SH3BGRL2: variants seen among roughly 807,000 people sequenced by gnomAD.
SH3BGRL2 encodes the protein SH3 domain-binding glutamic acid-rich-like protein 2.
Under a neutral mutation model 14.8 loss-of-function variants are expected in SH3BGRL2, and 21 were observed. That is an observed-to-expected ratio of 1.42 (90% CI 1.01 to 2.05). SH3BGRL2 has a LOEUF of 2.05. Ranked by LOEUF, SH3BGRL2 falls within the 30% of genes most tolerant of loss-of-function variation. The pLI is 0.00. For synonymous variants in SH3BGRL2, 50 were observed against 47.8 expected (o/e 1.05, Z -0.19); for missense variants, 147 against 130.8 (o/e 1.12, Z -0.61).
intron 2 of SH3BGRL2, among the ~76,000 whole-genome samples, chr6:79,680,821 G>A (rs554884007): frequency 6.6e-6 from 1 of 151,992 alleles, no homozygotes; most frequent in East Asian, 1.9e-4. Context: ...TATTTTTGAT[G>A]CTGTTGTAAA....
At chr6:79,595,527 C>T in the SH3BGRL2 span, among the ~76,000 whole-genome samples, 1 of 151,976 alleles carries the variant, frequency 6.6e-6, no homozygotes, top group Non-Finnish European at 1.5e-5. Context: ...TTTAAAATGA[C>T]CAAACAATAT....
chr6:79,602,976 T>C, the SH3BGRL2 span, among the ~76,000 whole-genome samples: 1 of 151,250 alleles, frequency 6.6e-6, no homozygotes, highest in Admixed American at 6.6e-5. Flanking sequence ...GGAGGAAAAA[T>C]GGGAGAGGGA....
Position 79,649,855 on chromosome 6 carries a change from C to G in SH3BGRL2, c.45+18349C>G, listed in dbSNP as rs1297024913. On this transcript the variant is annotated intron_variant, in intron 1 of 3. Transcript: ENST00000369838. ...GCTTTGTTTTGTCACCTGTGTTTCTCTAGTTCCTCGGGAAGTGTCTAGCAC... is the reference window on the plus strand; with the variant it reads ...GCTTTGTTTTGTCACCTGTGTTTCTGTAGTTCCTCGGGAAGTGTCTAGCAC... Among the ~76,000 whole-genome samples, 4 of 152,124 alleles carry G rather than the reference C, an allele frequency of 2.6e-5. No homozygotes were observed. The East Asian group carries it at 7.7e-4, about 29-fold the overall frequency.
the SH3BGRL2 span, among the ~76,000 whole-genome samples, chr6:79,608,513 A>G: frequency 6.6e-6 from 1 of 152,170 alleles, no homozygotes; most frequent in Non-Finnish European, 1.5e-5. Flanking sequence ...GTGTCGTACA[A>G]AGGGCTTGGC....
chr6:79,566,709 C>T, the SH3BGRL2 span, among the ~76,000 whole-genome samples: 2 of 151,910 alleles, frequency 1.3e-5, no homozygotes, highest in Non-Finnish European at 2.9e-5. Context: ...CTTTGGGAGG[C>T]ACTTTGGGGA....
intron 2 of SH3BGRL2, among the ~76,000 whole-genome samples, chr6:79,691,599 TGCA>T (rs1237568526): frequency 1.3e-5 from 2 of 149,620 alleles, no homozygotes; most frequent in African/African-American, 4.9e-5. Context: ...AGTGAGAACA[TGCA>T]GTGTTTGGTT....
chr6:79,623,230 G>A, the SH3BGRL2 span, among the ~76,000 whole-genome samples: 15 of 152,146 alleles, frequency 9.9e-5, no homozygotes, highest in African/African-American at 3.4e-4. Context: ...TGAACCTGAG[G>A]GGTGGAGGTT....
chr6:79,645,574 A>G (rs1394717931), intron 1 of SH3BGRL2, among the ~76,000 whole-genome samples: 1 of 152,164 alleles, frequency 6.6e-6, no homozygotes. Context: ...GAGCTTGTAT[A>G]TTCTTTTATC....
At chr6:79,678,432 A>G (rs753935273) in intron 2 of SH3BGRL2, among the ~76,000 whole-genome samples, 20 of 152,150 alleles carry the variant, frequency 1.3e-4, no homozygotes, top group Non-Finnish European at 2.4e-4. Context: ...CATATCTTCA[A>G]GGTTCATCCA....
At chr6:79,655,763 T>C (rs1284144060) in intron 1 of SH3BGRL2, among the ~76,000 whole-genome samples, 1 of 152,234 alleles carries the variant, frequency 6.6e-6, no homozygotes, top group Non-Finnish European at 1.5e-5. Flanking sequence ...GTATCAGTAC[T>C]TCATTTTTAT....
chr6:79,581,748 C>T, the SH3BGRL2 span, among the ~76,000 whole-genome samples: 2 of 152,156 alleles, frequency 1.3e-5, no homozygotes, highest in East Asian at 3.9e-4. Flanking sequence ...GATGCCCTCT[C>T]TCACCACTTC....
chr6:79,563,258 T>C, the SH3BGRL2 span, among the ~76,000 whole-genome samples: 3 of 151,806 alleles, frequency 2.0e-5, no homozygotes, highest in Non-Finnish European at 4.4e-5. Context: ...ATTACAGGCA[T>C]GGGCCACCGT....
chr6:79,625,265 C>T, the SH3BGRL2 span, among the ~76,000 whole-genome samples: 3 of 151,864 alleles, frequency 2.0e-5, no homozygotes, highest in Admixed American at 1.3e-4. Context: ...CACACACACA[C>T]ATAATTACTT....
the SH3BGRL2 span, among the ~76,000 whole-genome samples, chr6:79,589,543 C>T: frequency 1.3e-5 from 2 of 151,794 alleles, no homozygotes; most frequent in Non-Finnish European, 2.9e-5. Context: ...TAAAGAAAAA[C>T]TTGTTTATTA....
chr6:79,550,084 TC>T, the SH3BGRL2 span, among the ~76,000 whole-genome samples: 1 of 152,150 alleles, frequency 6.6e-6, no homozygotes, highest in African/African-American at 2.4e-5. Context: ...TTTCTACAGT[TC>T]TGCATTTTCC....
chr6:79,681,219 C>A (rs185584895), intron 2 of SH3BGRL2, among the ~76,000 whole-genome samples: 1 of 152,146 alleles, frequency 6.6e-6, no homozygotes, highest in Non-Finnish European at 1.5e-5. Context: ...GAAGAGAGAA[C>A]AGCTTAGCTG....
the SH3BGRL2 span, among the ~76,000 whole-genome samples, chr6:79,570,904 C>T: frequency 1.2e-4 from 18 of 152,088 alleles, no homozygotes; most frequent in Non-Finnish European, 2.1e-4. Context: ...TTAGCTTTAA[C>T]GAATATGAAT....
chr6:79,543,763 A>G, the SH3BGRL2 span, among the ~76,000 whole-genome samples: 1 of 152,206 alleles, frequency 6.6e-6, no homozygotes, highest in Non-Finnish European at 1.5e-5. Context: ...ACATCAGTAT[A>G]TTGGTGTTTG....
chr6:79,573,412 T>C, the SH3BGRL2 span, among the ~76,000 whole-genome samples: 1 of 152,144 alleles, frequency 6.6e-6, no homozygotes, highest in African/African-American at 2.4e-5. Flanking sequence ...TTATTAAGTC[T>C]TAATATCAGG....
Sources: gnomAD v4.1 joint callset for allele counts (sites outside exome capture counted in the v4.1 genomes callset) on GRCh38, gnomAD v4.1.1 for gene constraint, MANE v1.5 for transcripts, NCBI Gene and HGNC (gene_info 2026-07-23, HGNC 2026-07-21) for gene names.